The following CECR2 variants were observed in gnomAD, a reference collection of about 807,000 sequenced individuals.
CECR2 encodes the protein chromatin remodeling regulator CECR2.
In CECR2, 30 loss-of-function variants were observed where a neutral mutation model predicts 154.5. That is an observed-to-expected ratio of 0.19 (90% CI 0.15 to 0.26). The LOEUF (loss-of-function observed/expected upper bound fraction) is 0.26, where lower values mean the gene tolerates loss of function less well. Among genes scored for constraint, CECR2 ranks in the 10% least tolerant of loss-of-function variants. The pLI is 1.00. For missense variants in CECR2, 1,743 were observed against 1,829.3 expected (o/e 0.95, Z 0.86); for synonymous variants, 725 against 683.7 (o/e 1.06, Z -0.94).
At chr22:17,417,924 A>C (rs1379078957) in intron 1 of CECR2, among the ~76,000 whole-genome samples, 1 of 152,014 alleles carries the variant, frequency 6.6e-6, no homozygotes, top group Non-Finnish European at 1.5e-5. Context: ...CCCGGCCCTC[A>C]ATTTTAAATT....
intron 1 of CECR2, among the ~76,000 whole-genome samples, chr22:17,381,188 C>G (rs1264025454): frequency 1.3e-5 from 2 of 152,336 alleles, no homozygotes; most frequent in South Asian, 4.1e-4. Flanking sequence ...CACTCTTACA[C>G]TGGCATTGAT....
chr22:17,411,878 A>G (rs2054073161), intron 1 of CECR2, among the ~76,000 whole-genome samples: 1 of 152,224 alleles, frequency 6.6e-6, no homozygotes, highest in Non-Finnish European at 1.5e-5. Flanking sequence ...GTAATATATA[A>G]TAAATGTTTT....
intron 2 of CECR2, among the ~76,000 whole-genome samples, chr22:17,480,321 C>A (rs1483772409): frequency 6.6e-6 from 1 of 151,906 alleles, no homozygotes; most frequent in Non-Finnish European, 1.5e-5. Context: ...GGAACCTGGA[C>A]AAACCACTAC....
At chr22:17,542,052 G>T (rs1640427559) in intron 15 of CECR2, 85 bp downstream of exon 15, 2 of 1,570,202 alleles carry the variant, frequency 1.3e-6, no homozygotes, top group Non-Finnish European at 8.6e-7. Flanking sequence ...GTTAAATGTT[G>T]TTCATTGCGT....
In CECR2 at chr22:17,540,451, A is replaced by G. The variant is rs765286729; in HGVS notation, c.1535A>G (p.His512Arg). Residue 512 changes from histidine (H) to arginine (R), a missense_variant, in exon 14 of 19, where the codon CAT becomes CGT. Coordinates refer to ENST00000262608, the MANE Select transcript of CECR2 (RefSeq NM_001290047.2). ...KMSDNLERCF[H>R]RAMMKHFPGE... The stretch of plus-strand genomic sequence containing the variant: ...TCTGATAATTTAGAGAGGTGTTTCC[A>G]TCGGGCAATGATGAAACATTTTCCT... 3.8e-6 allele frequency: 6 copies of G among 1,580,206 alleles called. No homozygotes were observed. The highest frequency in any genetic ancestry group is 3.4e-6 in the Non-Finnish European group (4 of 1,161,898).
chr22:17,487,766 A>AT (rs1333400897), intron 2 of CECR2, among the ~76,000 whole-genome samples: 1 of 152,160 alleles, frequency 6.6e-6, no homozygotes, highest in Non-Finnish European at 1.5e-5. Flanking sequence ...AGTGCTCTTT[A>AT]TAGAACGCAG....
Position 17,555,771 on chromosome 22 carries a change from G to T in CECR2, c.*2931G>T, listed in dbSNP as rs1399163812. 1.3e-5 allele frequency: 2 copies of T among 152,100 alleles called. No homozygotes were observed. Among genetic ancestry groups the T allele is most frequent in the African/African-American group, 4.8e-5 (2 of 41,406 alleles). 9.4% of individuals were successfully genotyped at this position (152,100 alleles called of 1,614,324 possible). On this transcript the variant is annotated 3_prime_UTR_variant, in exon 19 of 19. Coordinates refer to ENST00000262608, the MANE Select transcript of CECR2 (RefSeq NM_001290047.2). ...AGCTAGAAGGACATTTCACCCTGTGGGTCACTGTCACCTTGTCAGCGTGCC... is the reference window on the plus strand; with the variant it reads ...AGCTAGAAGGACATTTCACCCTGTGTGTCACTGTCACCTTGTCAGCGTGCC...
intron 1 of CECR2, among the ~76,000 whole-genome samples, chr22:17,406,390 G>T (rs1314841001): frequency 6.6e-6 from 1 of 152,166 alleles, no homozygotes; most frequent in Non-Finnish European, 1.5e-5. Flanking sequence ...AGGCGTGGTG[G>T]CACACGCCTG....
At chr22:17,382,156 C>T (rs530127886) in intron 1 of CECR2, among the ~76,000 whole-genome samples, 6 of 151,740 alleles carry the variant, frequency 4.0e-5, no homozygotes, top group Non-Finnish European at 7.4e-5. Flanking sequence ...TCCCAAAGTG[C>T]TGGGATTACA....
At chr22:17,367,116 TG>T (rs569574247), upstream of CECR2, among the ~76,000 whole-genome samples, 318 of 152,294 alleles carry the variant, frequency 2.1e-3, 1 homozygote, top group African/African-American at 7.3e-3. Flanking sequence ...ACAGTCTTGT[TG>T]ATTTCCGGGG....
chr22:17,398,929 T>C (rs2053852323), intron 1 of CECR2, among the ~76,000 whole-genome samples: 2 of 152,144 alleles, frequency 1.3e-5, no homozygotes, highest in African/African-American at 2.4e-5. Context: ...ATTGGACAGG[T>C]TGAATCAGGT....
intron 9 of CECR2, among the ~76,000 whole-genome samples, chr22:17,536,668 G>GTGTGTGT (rs1259755215): frequency 6.6e-6 from 1 of 152,228 alleles, no homozygotes; most frequent in Non-Finnish European, 1.5e-5. Context: ...TGTATGGACT[G>GTGTGTGT]AGAGTCTGGT....
chr22:17,435,207 C>CT (rs962873112), intron 1 of CECR2, among the ~76,000 whole-genome samples: 12 of 150,914 alleles, frequency 8.0e-5, no homozygotes, highest in South Asian at 4.2e-4. Flanking sequence ...TTCTTTCTTT[C>CT]TTTTTTTTTA....
chr22:17,391,863 G>T (rs1045610348), intron 1 of CECR2, among the ~76,000 whole-genome samples: 1 of 152,128 alleles, frequency 6.6e-6, no homozygotes, highest in African/African-American at 2.4e-5. Context: ...GTACAGTGGC[G>T]CAATCTCCGC....
Position 17,477,644 on chromosome 22 carries a change from C to T in CECR2, c.183C>T (p.Ala61=), listed in dbSNP as rs371531337. 9.9e-6 allele frequency: 16 copies of T among 1,612,880 alleles called. No individual in the cohort carries two copies. The highest frequency in any genetic ancestry group is 5.0e-5 in the Admixed American group (3 of 60,006). Reference sequence around the variant, plus strand: ...TGGAGTTTATCAGTGACCTGATTGCCTGCCTGCTTCAGGGCTGCTATCAAC... The same window carrying T: ...TGGAGTTTATCAGTGACCTGATTGCTTGCCTGCTTCAGGGCTGCTATCAAC... ...DDVEFISDLI[A]CLLQGCYQRR... Residue 61 remains alanine, a synonymous_variant, in exon 2 of 19, where the codon GCC becomes GCT. Transcript: ENST00000262608.
upstream of CECR2, among the ~76,000 whole-genome samples, chr22:17,365,915 A>G (rs2062999983): frequency 6.6e-6 from 1 of 152,152 alleles, no homozygotes; most frequent in Non-Finnish European, 1.5e-5. Context: ...AACCTATATA[A>G]ATCCCAACAT....
At chr22:17,516,435 A>G (rs183963536) in intron 8 of CECR2, among the ~76,000 whole-genome samples, 20 of 150,436 alleles carry the variant, frequency 1.3e-4, no homozygotes, top group African/African-American at 5.0e-4. Context: ...CCTTCTTTAG[A>G]AAAGTATTGA....
intron 1 of CECR2, among the ~76,000 whole-genome samples, chr22:17,426,095 C>T (rs1465388337): frequency 6.6e-6 from 1 of 152,090 alleles, no homozygotes; most frequent in Non-Finnish European, 1.5e-5. Context: ...TTATCTGTTT[C>T]CCCCCACCCA....
rs2056733403 is a variant in CECR2 at position 17,553,056 on chromosome 22, A to G, written c.*216A>G. On this transcript the variant is annotated 3_prime_UTR_variant, in exon 19 of 19. Transcript: ENST00000262608. ...AGATTGCAAAGGTCCTCGGCCAGGGATCTCTTGCACAGCTGATGTAGACAG... is the reference window on the plus strand; with the variant it reads ...AGATTGCAAAGGTCCTCGGCCAGGGGTCTCTTGCACAGCTGATGTAGACAG... The G allele has an allele frequency of 8.7e-7, 1 of 1,153,738 alleles. No homozygotes were observed. Among genetic ancestry groups the G allele is most frequent in the Non-Finnish European group, 1.1e-6 (1 of 882,960 alleles). 71.5% of individuals were successfully genotyped at this position (1,153,738 alleles called of 1,614,324 possible).
Sources: allele counts gnomAD v4.1 joint callset (sites outside exome capture counted in the v4.1 genomes callset), GRCh38; gene constraint gnomAD v4.1.1; transcripts MANE v1.5; gene names NCBI Gene and HGNC (gene_info 2026-07-23, HGNC 2026-07-21).